Variants in VWA8 observed in about 807,000 individuals in gnomAD.
VWA8 encodes von Willebrand factor A domain-containing protein 8.
VWA8 carries 221 observed loss-of-function variants against 241.5 expected under a neutral mutation model. The ratio of observed to expected loss-of-function variants is 0.91; its 90% CI spans 0.82 to 1.02. VWA8 has a LOEUF of 1.02. Among genes scored for constraint, VWA8 ranks in the 50% least tolerant of loss-of-function variants. The pLI, the probability that VWA8 is intolerant of heterozygous loss-of-function variation, is 0.00. For missense variants in VWA8, 2,322 were observed against 2,328.7 expected (o/e 1.00, Z 0.06); for synonymous variants, 852 against 827.1 (o/e 1.03, Z -0.52).
chr13:41,853,127 T>C (rs1872590868), intron 12 of VWA8, among the ~76,000 whole-genome samples: 1 of 152,180 alleles, frequency 6.6e-6, no homozygotes, highest in African/African-American at 2.4e-5. Flanking sequence ...GGTACATTTA[T>C]TTCTTTTTCT....
At chr13:41,908,580 T>G (rs1336090935) in intron 3 of VWA8, among the ~76,000 whole-genome samples, 1 of 140,648 alleles carries the variant, frequency 7.1e-6, no homozygotes. Context: ...AGGAAGGAGG[T>G]GATGAAAAAG....
chr13:41,921,995 G>A (rs1192049766), intron 2 of VWA8, among the ~76,000 whole-genome samples: 1 of 152,142 alleles, frequency 6.6e-6, no homozygotes, highest in African/African-American at 2.4e-5. Flanking sequence ...TAAGCCAATA[G>A]AACAAAGCTG....
chr13:41,685,828 C>A (rs138985382), intron 34 of VWA8, among the ~76,000 whole-genome samples: 17 of 152,238 alleles, frequency 1.1e-4, no homozygotes, highest in Admixed American at 1.1e-3. Context: ...TTCTCTCTCT[C>A]CCCTAGATTT....
Position 41,761,166 on chromosome 13 carries a change from G to A in VWA8, c.2388C>T (p.His796=). The A allele has an allele frequency of 6.2e-7, 1 of 1,611,848 alleles. No individual in the cohort carries two copies. The highest frequency in any genetic ancestry group is 2.2e-5 in the East Asian group (1 of 44,772). ...TATATTCTCGGGGTCTGTTGAGCAG[G>A]TGAAGGAATCTGTCAACAATCTTGT... ...GKNKIVDRFL[H]LLNRPREYIQ... The change falls in exon 21 of 45, where the codon CAC becomes CAT. Residue 796 remains histidine, a synonymous_variant. Transcript: ENST00000379310.
intron 40 of VWA8, 101 bp from the exon 41 acceptor site, chr13:41,590,866 C>T: frequency 6.8e-7 from 1 of 1,464,466 alleles, no homozygotes; most frequent in South Asian, 1.2e-5. Context: ...GGGATCTTTT[C>T]AGTAAGTGAT....
intron 14 of VWA8, among the ~76,000 whole-genome samples, chr13:41,827,480 T>TAAG (rs1871229288): frequency 6.6e-6 from 1 of 151,470 alleles, no homozygotes; most frequent in South Asian, 2.1e-4. Flanking sequence ...CTCTGGGGAG[T>TAAG]AAGATGTGGG....
At position 41,701,517 on chromosome 13, in the gene VWA8, A is replaced by G. The variant is rs1051603075; in HGVS notation, c.3239T>C (p.Ile1080Thr). ...TTCTATTGGATACTCCTGTATATTT[A>G]TAAGTGCTGGACCCTATAATAAAGC... ...HHIDIKGPALINIQEYPIERH... is the reference protein window; with the variant it reads ...HHIDIKGPALTNIQEYPIERH... Residue 1080 changes from isoleucine to threonine, a missense_variant, in exon 28 of 45, where the codon ATA becomes ACA. Transcript: ENST00000379310. 1 of 1,607,118 alleles carries G rather than the reference A, an allele frequency of 6.2e-7. No individual in the cohort carries two copies. The highest frequency in any genetic ancestry group is 8.5e-7 in the Non-Finnish European group (1 of 1,177,228).
intron 21 of VWA8, among the ~76,000 whole-genome samples, chr13:41,741,372 T>C (rs1378650952): frequency 3.3e-5 from 5 of 152,220 alleles, no homozygotes; most frequent in African/African-American, 1.2e-4. Context: ...TGCAAAGTTT[T>C]CTCTTCCCTT....
At chr13:41,645,640 A>G (rs2044826534) in intron 37 of VWA8, among the ~76,000 whole-genome samples, 1 of 152,176 alleles carries the variant, frequency 6.6e-6, no homozygotes, top group Admixed American at 6.5e-5. Context: ...GAGCGACTCA[A>G]AACATTTCCA....
At chr13:41,644,448 T>G (rs747481338) in intron 37 of VWA8, among the ~76,000 whole-genome samples, 18 of 152,232 alleles carry the variant, frequency 1.2e-4, no homozygotes, top group Non-Finnish European at 2.1e-4. Context: ...AAACACAGAT[T>G]CCCGGCCAGG....
At chr13:41,823,074 T>G (rs1412722301) in intron 14 of VWA8, among the ~76,000 whole-genome samples, 1 of 152,146 alleles carries the variant, frequency 6.6e-6, no homozygotes, top group Non-Finnish European at 1.5e-5. Flanking sequence ...GTTTTGAAAA[T>G]CAAACACAAA....
In VWA8 at chr13:41,648,903, G is replaced by A. The variant is rs2044850451; in HGVS notation, c.4611+22043C>T. 2.6e-5 allele frequency among the ~76,000 whole-genome samples: 4 copies of A among 152,294 alleles called. 1 individual carries two copies. The South Asian group carries it at 6.2e-4, about 24-fold the overall frequency. On this transcript the variant is annotated intron_variant, in intron 37 of 44. Transcript: ENST00000379310. Reference sequence around the variant, plus strand: ...GCCTAAGAATTTAAAACTTATAGGGGCTGAGTACGGTGGCTCATGCCTGTA... The same window carrying A: ...GCCTAAGAATTTAAAACTTATAGGGACTGAGTACGGTGGCTCATGCCTGTA...
intron 17 of VWA8, 54 bp from the exon 18 acceptor site, chr13:41,787,597 G>A (rs1194242343): frequency 1.1e-5 from 11 of 969,352 alleles, no homozygotes; most frequent in African/African-American, 3.7e-5. Flanking sequence ...AGCTTTCTGC[G>A]ATTCTTAAAT....
Position 41,761,116 on chromosome 13 carries a change from T to C in VWA8, c.2426+12A>G, listed in dbSNP as rs1421362545. ...TGAGATTTTTAAGAGGTTGTGGGTC[T>C]AATAGTCTTACCTGTGTAGCTGAAT... On this transcript the variant is annotated intron_variant, in intron 21 of 44. Coordinates refer to ENST00000379310, the MANE Select transcript of VWA8 (RefSeq NM_015058.2). The C allele has an allele frequency of 1.2e-5, 19 of 1,609,032 alleles. No homozygotes were observed. The highest frequency in any genetic ancestry group is 1.6e-5 in the Non-Finnish European group (19 of 1,177,280).
chr13:41,725,102 T>C (rs1593721828), intron 24 of VWA8, among the ~76,000 whole-genome samples: 2 of 151,596 alleles, frequency 1.3e-5, no homozygotes, highest in East Asian at 3.9e-4. Context: ...GGGTTCCAAG[T>C]GCATAGGACA....
chr13:41,677,810 CTTTT>C (rs1274076029), intron 35 of VWA8, among the ~76,000 whole-genome samples: 1 of 152,228 alleles, frequency 6.6e-6, no homozygotes, highest in East Asian at 1.9e-4. Context: ...ATCCATCCAT[CTTTT>C]ATTACAATTT....
At chr13:41,645,914 AG>A (rs1040858606) in intron 37 of VWA8, among the ~76,000 whole-genome samples, 3 of 152,074 alleles carry the variant, frequency 2.0e-5, no homozygotes, top group African/African-American at 7.2e-5. Context: ...GGCAAAGAAG[AG>A]AATGTATATG....
chr13:41,893,372 C>A lies in VWA8; in HGVS notation c.484-1785G>T, dbSNP rs537156793. On this transcript the variant is annotated intron_variant, in intron 4 of 44. Coordinates refer to ENST00000379310, the MANE Select transcript of VWA8 (RefSeq NM_015058.2). The stretch of plus-strand genomic sequence containing the variant: ...TCAAGAGAATCATCCATTTTAAGAT[C>A]ATTTCATGAATAATCCCTCAAATAT... Among the ~76,000 whole-genome samples the A allele has an allele frequency of 1.5e-4, 23 of 151,240 alleles. No homozygotes were observed. In the South Asian group the frequency reaches 4.6e-3, roughly 30 times the overall value.
Position 41,568,322 on chromosome 13 carries a change from G to A in VWA8, c.5610-17C>T, listed in dbSNP as rs765466007. 11 of 1,610,766 alleles carry A rather than the reference G, an allele frequency of 6.8e-6. No homozygotes were observed. In the East Asian group the frequency reaches 2.5e-4, roughly 36 times the overall value. ...CTCTGAAGCCTGCCAGGATGGAAAG[G>A]GAAAGGAAGTTACCACTGTAAATGG... On this transcript the variant is annotated splice_polypyrimidine_tract_variant and intron_variant, in intron 44 of 44. Coordinates refer to ENST00000379310, the MANE Select transcript of VWA8 (RefSeq NM_015058.2).
Sources: gnomAD v4.1 joint callset for allele counts (sites outside exome capture counted in the v4.1 genomes callset) on GRCh38, gnomAD v4.1.1 for gene constraint, MANE v1.5 for transcripts, NCBI Gene and HGNC (gene_info 2026-07-23, HGNC 2026-07-21) for gene names.